CLYBL: variants seen among roughly 807,000 people sequenced by gnomAD.
CLYBL encodes the protein citramalyl-CoA lyase.
A neutral mutation model predicts 38.9 loss-of-function variants in CLYBL; 31 were observed. That is an observed-to-expected ratio of 0.80 (90% CI 0.60 to 1.08). The LOEUF is 1.08. Among genes scored for constraint, CLYBL ranks in the 50% least tolerant of loss-of-function variants. The pLI, the probability that CLYBL is intolerant of heterozygous loss-of-function variation, is 0.00. For missense variants in CLYBL, 434 were observed against 411.6 expected, an observed-to-expected ratio of 1.05 and a Z score of -0.47; for synonymous variants, 171 against 158.6, an observed-to-expected ratio of 1.08 and a Z score of -0.59.
At chr13:99,637,848 T>A (rs1179437934) in intron 1 of CLYBL, among the ~76,000 whole-genome samples, 3 of 152,204 alleles carry the variant, frequency 2.0e-5, no homozygotes, top group Non-Finnish European at 4.4e-5. Context: ...ATACATCCAT[T>A]CATATTTCTG....
intron 2 of CLYBL, among the ~76,000 whole-genome samples, chr13:99,848,067 G>A (rs1044262652): frequency 6.6e-5 from 10 of 152,020 alleles, no homozygotes; most frequent in African/African-American, 9.7e-5. Flanking sequence ...TGTTCCTGCC[G>A]CTGCCCTGCT....
chr13:99,898,361 G>A (rs536424840), downstream of CLYBL, among the ~76,000 whole-genome samples: 1 of 152,286 alleles, frequency 6.6e-6, no homozygotes, highest in South Asian at 2.1e-4. Context: ...GTTAAAAAGG[G>A]GCAGGGGGAT....
At chr13:99,891,257 C>T in intron 7 of CLYBL, 61 bp from the exon 8 acceptor site, 2 of 1,252,234 alleles carry the variant, frequency 1.6e-6, no homozygotes, top group South Asian at 1.2e-5. Context: ...CAAGTGTGCA[C>T]AGAAAGGAAA....
In CLYBL at chr13:99,864,983, C is replaced by T. The variant is rs766664974; in HGVS notation, c.634+72C>T. The T allele has an allele frequency of 3.6e-6, 4 of 1,112,116 alleles. No individual in the cohort carries two copies. The South Asian group carries it at 3.7e-5, about 10-fold the overall frequency. The allele number at this position is 1,112,116 out of a possible 1,614,324, so 68.9% of individuals were successfully genotyped here. A position where few individuals can be genotyped will look rare whatever the true frequency, so the allele number is the denominator to read the frequency against. On this transcript the variant is annotated intron_variant, in intron 5 of 8. Transcript: ENST00000339105. ...TATGTGTGTATATATTTTTTCTTTG[C>T]CCCTCAAGGATGGACATTTACATAA...
chr13:99,810,641 G>A (rs1324496447), intron 2 of CLYBL, among the ~76,000 whole-genome samples: 2 of 152,132 alleles, frequency 1.3e-5, no homozygotes, highest in African/African-American at 2.4e-5. Flanking sequence ...AAGGGTAATG[G>A]AAGGCTACTA....
intron 1 of CLYBL, among the ~76,000 whole-genome samples, chr13:99,654,525 A>C (rs1184914151): frequency 1.3e-5 from 2 of 152,058 alleles, no homozygotes; most frequent in African/African-American, 4.8e-5. Flanking sequence ...CTTCCATTTC[A>C]CCATAGTTTC....
Position 99,866,376 on chromosome 13 carries a change from G to A in CLYBL, c.771G>A (p.Gln257=), listed in dbSNP as rs778754125. The change falls in exon 6 of 9, where the codon CAG becomes CAA. Residue 257 remains glutamine (Q), a synonymous_variant. Transcript: ENST00000339105. ...GAGATGGAGCTGGGCTGCTTAGACA[G>A]TCACGAGAAGGAGCCGCCATGGGCT... ...DFRDGAGLLR[Q]SREGAAMGFT... 14 of 1,613,778 alleles carry A rather than the reference G, an allele frequency of 8.7e-6. No homozygotes were observed. Among genetic ancestry groups the A allele is most frequent in the East Asian group, 2.2e-5 (1 of 44,888 alleles).
chr13:99,859,061 A>G lies in CLYBL; in HGVS notation c.438+12A>G. The G allele has an allele frequency of 6.2e-7, 1 of 1,607,400 alleles. No individual in the cohort carries two copies. Among genetic ancestry groups the G allele is most frequent in the Non-Finnish European group, 8.5e-7 (1 of 1,177,004 alleles). ...AAGAAATCCAGTGGGTGAGTAGCTA[A>G]TGCTTTGCCTTAAGACTCAGGAGCA... is the stretch of plus-strand genomic sequence containing the variant. On this transcript the variant is annotated intron_variant, in intron 3 of 8. Coordinates refer to ENST00000339105, the MANE Select transcript of CLYBL (RefSeq NM_206808.5).
chr13:99,840,140 G>GAGACA (rs963896100), intron 2 of CLYBL, among the ~76,000 whole-genome samples: 2 of 151,642 alleles, frequency 1.3e-5, no homozygotes, highest in Non-Finnish European at 2.9e-5. Flanking sequence ...TCTGGTTATA[G>GAGACA]AGACAAGACT....
chr13:99,645,709 C>T (rs2047167673), intron 1 of CLYBL, among the ~76,000 whole-genome samples: 1 of 151,724 alleles, frequency 6.6e-6, no homozygotes, highest in South Asian at 2.1e-4. Context: ...GTTGTTTGAG[C>T]TTCTTATATA....
chr13:99,895,437 C>G (rs1462837299), downstream of CLYBL: 1 of 152,254 alleles, frequency 6.6e-6, no homozygotes, highest in Non-Finnish European at 1.5e-5. Flanking sequence ...ACCCGCGGAG[C>G]CGCTGCCAGG....
chr13:99,908,722 C>T (rs1480735580), exon 10 of CLYBL, among the ~76,000 whole-genome samples: 1 of 152,176 alleles, frequency 6.6e-6, no homozygotes, highest in East Asian at 1.9e-4. Context: ...AGAATATCAA[C>T]ATCATTTTTC....
chr13:99,759,762 A>G (rs1464628387), intron 1 of CLYBL, among the ~76,000 whole-genome samples: 1 of 152,208 alleles, frequency 6.6e-6, no homozygotes, highest in Non-Finnish European at 1.5e-5. Flanking sequence ...AGTAGCTGTT[A>G]TGTTGCTTCT....
intron 1 of CLYBL, among the ~76,000 whole-genome samples, chr13:99,693,782 T>G (rs1208128414): frequency 6.6e-6 from 1 of 152,114 alleles, no homozygotes; most frequent in Non-Finnish European, 1.5e-5. Flanking sequence ...TGCAGGAGGT[T>G]TAAGAAAGAT....
At chr13:99,752,727 C>G (rs1037665835) in intron 1 of CLYBL, among the ~76,000 whole-genome samples, 1 of 152,058 alleles carries the variant, frequency 6.6e-6, no homozygotes, top group Admixed American at 6.5e-5. Flanking sequence ...GTGTCACCCC[C>G]TCATGGCTCA....
intron 1 of CLYBL, among the ~76,000 whole-genome samples, chr13:99,739,191 AATTTCAGTG>A (rs2048711887): frequency 6.6e-6 from 1 of 152,120 alleles, no homozygotes; most frequent in Admixed American, 6.5e-5. Flanking sequence ...TTTTTCTCCT[AATTTCAGTG>A]TTCGTAATAT....
chr13:99,800,304 T>G (rs1265522770), intron 2 of CLYBL, among the ~76,000 whole-genome samples: 1 of 152,178 alleles, frequency 6.6e-6, no homozygotes, highest in Non-Finnish European at 1.5e-5. Context: ...TCAGGCTTTT[T>G]GGGGAGAAAT....
chr13:99,735,997 T>C (rs1023488487), intron 1 of CLYBL, among the ~76,000 whole-genome samples: 4 of 151,986 alleles, frequency 2.6e-5, no homozygotes, highest in Admixed American at 2.0e-4. Flanking sequence ...AAGACCATTG[T>C]TTGTTTGAAA....
intron 1 of CLYBL, among the ~76,000 whole-genome samples, chr13:99,635,829 T>C (rs2047010436): frequency 1.3e-5 from 2 of 152,226 alleles, no homozygotes; most frequent in Non-Finnish European, 2.9e-5. Flanking sequence ...TCCTCATCTT[T>C]ATGGTGACAA....
Sources: gnomAD v4.1 joint callset for allele counts (sites outside exome capture counted in the v4.1 genomes callset) on GRCh38, gnomAD v4.1.1 for gene constraint, MANE v1.5 for transcripts, NCBI Gene and HGNC (gene_info 2026-07-23, HGNC 2026-07-21) for gene names.